Variants in MTFMT observed in about 807,000 individuals in gnomAD.
MTFMT encodes the protein methionyl-tRNA formyltransferase, mitochondrial.
Under a neutral mutation model 51.8 loss-of-function variants are expected in MTFMT, and 47 were observed. The ratio of observed to expected loss-of-function variants is 0.91; its 90% confidence interval spans 0.72 to 1.16. The LOEUF (loss-of-function observed/expected upper bound fraction) is 1.16, where lower values mean the gene tolerates loss of function less well. MTFMT is among the 50% of genes most tolerant of loss of function. MTFMT has a pLI of 0.00. For synonymous variants in MTFMT, 196 were observed against 176.7 expected, an observed-to-expected ratio of 1.11 and a Z score of -0.87; for missense variants, 512 against 482.3, an observed-to-expected ratio of 1.06 and a Z score of -0.58.
chr15:65,016,348 G>T, intron 6 of MTFMT, 88 bp downstream of exon 6: 4 of 725,498 alleles, frequency 5.5e-6, no homozygotes, highest in Non-Finnish European at 7.0e-6. Context: ...TTTTATTTGG[G>T]ATTATTCCTA....
chr15:65,023,273 T>C (rs1454870029), intron 3 of MTFMT, among the ~76,000 whole-genome samples: 1 of 152,224 alleles, frequency 6.6e-6, no homozygotes, highest in Admixed American at 6.5e-5. Context: ...ATATTGCATA[T>C]TGATATACAA....
intron 6 of MTFMT, among the ~76,000 whole-genome samples, chr15:65,010,128 C>T (rs1472793414): frequency 1.3e-5 from 2 of 152,224 alleles, no homozygotes; most frequent in African/African-American, 4.8e-5. Flanking sequence ...GCTCCAGCCA[C>T]ACCAGCCTCA....
intron 5 of MTFMT, 54 bp downstream of exon 5, chr15:65,020,143 A>G: frequency 6.6e-7 from 1 of 1,508,876 alleles, no homozygotes; most frequent in Non-Finnish European, 9.1e-7. Context: ...TTCAGATGCT[A>G]TCGTGACAAG....
At chr15:65,008,193 A>G (rs552367002) in intron 6 of MTFMT, among the ~76,000 whole-genome samples, 1 of 152,310 alleles carries the variant, frequency 6.6e-6, no homozygotes, top group South Asian at 2.1e-4. Context: ...TGTTAACTAC[A>G]TATGCATTGT....
intron 7 of MTFMT, among the ~76,000 whole-genome samples, chr15:65,005,608 ATTTTTTT>A (rs11353130): frequency 8.3e-6 from 1 of 120,172 alleles, no homozygotes; most frequent in South Asian, 2.5e-4. Flanking sequence ...TCCTGTAATG[ATTTTTTT>A]TTTTTTTTTT....
At chr15:65,011,595 A>G (rs143479742) in intron 6 of MTFMT, among the ~76,000 whole-genome samples, 108 of 144,592 alleles carry the variant, frequency 7.5e-4, no homozygotes, top group African/African-American at 2.6e-3. Context: ...TCCCTGGCTC[A>G]AGTGCATCCT....
intron 8 of MTFMT, 36 bp from the exon 9 acceptor site, chr15:65,003,292 G>A (rs1283953230): frequency 3.3e-6 from 5 of 1,531,586 alleles, no homozygotes; most frequent in Non-Finnish European, 4.5e-6. Context: ...ATAGGCAGGG[G>A]TGGCAAAACT....
chr15:65,012,087 G>C (rs754564349), intron 6 of MTFMT, among the ~76,000 whole-genome samples: 12 of 117,514 alleles, frequency 1.0e-4, no homozygotes, highest in African/African-American at 1.3e-4. Context: ...CATTTATTGA[G>C]AATACTATTC....
Position 65,018,385 on chromosome 15 carries a change from G to A in MTFMT, c.721+1812C>T, listed in dbSNP as rs1041317213. Reference sequence around the variant, plus strand: ...ATTGGTATTGTAATGCTGAAATGATGTTATGAATAGCAAATAAATAGGTTA... The same window carrying A: ...ATTGGTATTGTAATGCTGAAATGATATTATGAATAGCAAATAAATAGGTTA... On this transcript the variant is annotated intron_variant, in intron 5 of 8. Transcript: ENST00000220058. Among the ~76,000 whole-genome samples, 5 of 152,168 alleles carry A rather than the reference G, an allele frequency of 3.3e-5. No homozygotes were observed. In the South Asian group the frequency reaches 1.0e-3, roughly 32 times the overall value.
intron 8 of MTFMT, among the ~76,000 whole-genome samples, chr15:65,004,539 G>T (rs1290712562): frequency 6.6e-6 from 1 of 152,132 alleles, no homozygotes; most frequent in Non-Finnish European, 1.5e-5. Flanking sequence ...CAGATATTTT[G>T]ATATGACTAT....
Position 65,015,311 on chromosome 15 carries a change from T to A in MTFMT, c.813+1125A>T, listed in dbSNP as rs372834884. Reference sequence around the variant, plus strand: ...ATAATAGGATTTGAAGTAAGATAGATCTCGTTCAAAACCTGACTCTGACTT... The same window carrying A: ...ATAATAGGATTTGAAGTAAGATAGAACTCGTTCAAAACCTGACTCTGACTT... On this transcript the variant is annotated intron_variant, in intron 6 of 8. Transcript: ENST00000220058. Among the ~76,000 whole-genome samples, 50 of 152,298 alleles carry A rather than the reference T, an allele frequency of 3.3e-4. No homozygotes were observed. The East Asian group carries it at 5.2e-3, about 16-fold the overall frequency.
At chr15:65,009,811 A>G (rs531587021) in intron 6 of MTFMT, among the ~76,000 whole-genome samples, 2 of 151,752 alleles carry the variant, frequency 1.3e-5, no homozygotes, top group African/African-American at 4.8e-5. Context: ...ATCCCACAAT[A>G]CCTAGCTAAT....
rs372114821 is a variant in MTFMT at position 65,004,834 on chromosome 15, G to A, written c.975+20C>T. 22 of 1,512,338 alleles carry A rather than the reference G, an allele frequency of 1.5e-5. No homozygotes were observed. The highest frequency in any genetic ancestry group is 2.0e-5 in the Non-Finnish European group (22 of 1,099,616). The allele number at this position is 1,512,338 out of a possible 1,614,324, so 93.7% of individuals were successfully genotyped here. ...CATAGTAAAACAACTATGATAACTT[G>A]AAACTAATGAAAAACATACCTTGCA... On this transcript the variant is annotated intron_variant, in intron 8 of 8. Coordinates refer to ENST00000220058, the MANE Select transcript of MTFMT (RefSeq NM_139242.4).
rs372515409 is a variant in MTFMT at position 65,020,276 on chromosome 15, C to CA, written c.646-5dup. ...AATTTTTCAAAACTGAAATGAGCTACAAAAAAAAAAAAAAGAGTGTGATAT... is the reference window on the plus strand; with the variant it reads ...AATTTTTCAAAACTGAAATGAGCTACAAAAAAAAAAAAAAAGAGTGTGATAT... On this transcript the variant is annotated splice_polypyrimidine_tract_variant and splice_region_variant and intron_variant, in intron 4 of 8. Transcript: ENST00000220058. 0.13 allele frequency: 160,409 copies of CA among 1,206,150 alleles called. 322 individuals are homozygous for CA. Among genetic ancestry groups the CA allele is most frequent in the African/African-American group, 0.21 (10,189 of 48,406 alleles). 74.7% of individuals were successfully genotyped at this position (1,206,150 alleles called of 1,614,324 possible).
intron 5 of MTFMT, among the ~76,000 whole-genome samples, chr15:65,018,122 A>G (rs2086339866): frequency 6.6e-6 from 1 of 152,080 alleles, no homozygotes; most frequent in Non-Finnish European, 1.5e-5. Context: ...ATGCATTCAA[A>G]AAATAAAATT....
intron 8 of MTFMT, among the ~76,000 whole-genome samples, chr15:65,003,635 T>A (rs971449593): frequency 6.6e-6 from 1 of 151,806 alleles, no homozygotes; most frequent in Non-Finnish European, 1.5e-5. Flanking sequence ...GGCGGGTGGA[T>A]CACCTGAGGT....
chr15:65,013,951 A>C (rs554420600), intron 6 of MTFMT, among the ~76,000 whole-genome samples: 67 of 152,082 alleles, frequency 4.4e-4, no homozygotes, highest in African/African-American at 1.6e-3. Flanking sequence ...TCAAAAAAAA[A>C]AAACAAAAAA....
intron 2 of MTFMT, among the ~76,000 whole-genome samples, chr15:65,025,230 T>TTA (rs1555404051): frequency 3.2e-5 from 3 of 92,508 alleles, no homozygotes; most frequent in Admixed American, 1.2e-4. Context: ...TCCCTGTCTC[T>TTA]AAAAAAAAAA....
chr15:65,006,991 T>C (rs2086224595), intron 6 of MTFMT, among the ~76,000 whole-genome samples: 1 of 152,196 alleles, frequency 6.6e-6, no homozygotes, highest in Admixed American at 6.5e-5. Flanking sequence ...TGGTGAAAAG[T>C]TCTGTCCCTT....
Sources: allele counts gnomAD v4.1 joint callset (sites outside exome capture counted in the v4.1 genomes callset), GRCh38; gene constraint gnomAD v4.1.1; transcripts MANE v1.5; gene names NCBI Gene and HGNC (gene_info 2026-07-23, HGNC 2026-07-21).